CNGB3: variants seen among roughly 807,000 people sequenced by gnomAD.
CNGB3 encodes the protein cyclic nucleotide gated channel subunit beta 3, also known as cyclic nucleotide-gated channel beta-3.
CNGB3 carries 86 observed loss-of-function variants against 92.8 expected under a neutral mutation model. The ratio of observed to expected loss-of-function variants is 0.93; its 90% CI spans 0.78 to 1.11. CNGB3 has a LOEUF of 1.11. Ranked by LOEUF, CNGB3 falls within the 50% of genes least tolerant of loss-of-function variation. The probability of loss-of-function intolerance (pLI) is 0.00; values close to 1 mark genes in which losing one functional copy is unlikely to be tolerated. For missense variants in CNGB3, 1,026 were observed against 956.8 expected (o/e 1.07, Z -0.95); for synonymous variants, 333 against 332.7 (o/e 1.00, Z -0.01).
At chr8:86,709,331 C>T (rs1396488054) in intron 3 of CNGB3, among the ~76,000 whole-genome samples, 1 of 152,086 alleles carries the variant, frequency 6.6e-6, no homozygotes, top group African/African-American at 2.4e-5. Flanking sequence ...CAACTTGTCC[C>T]CTGGCTACGT....
intron 3 of CNGB3, among the ~76,000 whole-genome samples, chr8:86,720,147 G>A (rs181794165): frequency 6.6e-6 from 1 of 152,200 alleles, no homozygotes; most frequent in East Asian, 1.9e-4. Flanking sequence ...ATACATAGAT[G>A]GGATTTAATT....
chr8:86,628,941 T>C lies in CNGB3; in HGVS notation c.1458A>G (p.Thr486=), dbSNP rs1019064332. The C allele has an allele frequency of 1.2e-6, 2 of 1,613,916 alleles. No homozygotes were observed. The highest frequency in any genetic ancestry group is 1.7e-6 in the Non-Finnish European group (2 of 1,179,860). Residue 486 remains threonine (T), a synonymous_variant, in exon 12 of 18, where the codon ACA becomes ACG. Coordinates refer to ENST00000320005, the MANE Select transcript of CNGB3 (RefSeq NM_019098.5). ...TACCTAGCATTCTTTGAGAGTCCCA[T>C]GTATATTCATACCAAGTCCGAACTC... The part of the protein sequence containing the change: ...QKRVRTWYEY[T]WDSQRMLDES...
chr8:86,699,789 C>T (rs954210628), intron 3 of CNGB3, among the ~76,000 whole-genome samples: 1 of 152,160 alleles, frequency 6.6e-6, no homozygotes, highest in African/African-American at 2.4e-5. Flanking sequence ...TTGAAAAATG[C>T]TCATAATTTC....
At chr8:86,648,204 T>G (rs1468348324) in intron 7 of CNGB3, among the ~76,000 whole-genome samples, 1 of 151,200 alleles carries the variant, frequency 6.6e-6, no homozygotes, top group Non-Finnish European at 1.5e-5. Context: ...AAATACGTTT[T>G]AACAGTGTTT....
chr8:86,578,621 C>A (rs147040436), intron 17 of CNGB3, 68 bp downstream of exon 17: 3 of 1,432,312 alleles, frequency 2.1e-6, no homozygotes, highest in Non-Finnish European at 2.9e-6. Context: ...TTAGAGTGGG[C>A]GTTTGTGTGT....
Position 86,670,957 on chromosome 8 carries a change from G to C in CNGB3, c.480C>G (p.Ala160=). 1 of 1,612,428 alleles carries C rather than the reference G, an allele frequency of 6.2e-7. No individual in the cohort carries two copies. Among genetic ancestry groups the C allele is most frequent in the Non-Finnish European group, 8.5e-7 (1 of 1,180,004 alleles). Residue 160 remains alanine (A), a synonymous_variant, in exon 4 of 18, where the codon GCC becomes GCG. Coordinates refer to ENST00000320005, the MANE Select transcript of CNGB3 (RefSeq NM_019098.5). ...AGCAATGCTTACCAGTTTGTGGGCT[G>C]GCTTCGGGTGAGGAGAGATCTCCCT... ...LVEGDLSSPE[A]SPQTAKPTAV... is the part of the protein sequence containing the mutation.
intron 13 of CNGB3, among the ~76,000 whole-genome samples, chr8:86,616,659 G>A (rs1822628378): frequency 6.6e-6 from 1 of 152,136 alleles, no homozygotes; most frequent in Admixed American, 6.6e-5. Flanking sequence ...AACTGAGAAA[G>A]TATCAACATT....
At chr8:86,737,597 A>T (rs968216895) in intron 2 of CNGB3, among the ~76,000 whole-genome samples, 2 of 151,528 alleles carry the variant, frequency 1.3e-5, no homozygotes, top group Non-Finnish European at 3.0e-5. Flanking sequence ...AACGTAAAAA[A>T]CCTTTTAGGT....
At chr8:86,692,543 T>C (rs989223763) in intron 3 of CNGB3, among the ~76,000 whole-genome samples, 4 of 152,244 alleles carry the variant, frequency 2.6e-5, no homozygotes, top group African/African-American at 9.6e-5. Flanking sequence ...GAATAACAGC[T>C]ACTCCTGGTT....
At chr8:86,725,441 GTTAGA>G (rs1474322466) in intron 3 of CNGB3, among the ~76,000 whole-genome samples, 2 of 152,090 alleles carry the variant, frequency 1.3e-5, no homozygotes, top group African/African-American at 4.8e-5. Context: ...TTGTTCTCTT[GTTAGA>G]TTACAGTCCT....
intron 2 of CNGB3, among the ~76,000 whole-genome samples, chr8:86,738,279 A>G (rs1431264366): frequency 6.6e-6 from 1 of 152,156 alleles, no homozygotes; most frequent in African/African-American, 2.4e-5. Context: ...GTCTGGGAAT[A>G]GATCACATTA....
chr8:86,648,175 G>A (rs1427829740), intron 7 of CNGB3, among the ~76,000 whole-genome samples: 1 of 151,180 alleles, frequency 6.6e-6, no homozygotes, highest in African/African-American at 2.4e-5. Context: ...ATATACAATG[G>A]GCATAGTTGC....
intron 6 of CNGB3, among the ~76,000 whole-genome samples, chr8:86,662,116 C>A (rs1323069523): frequency 1.3e-5 from 2 of 152,244 alleles, no homozygotes; most frequent in African/African-American, 4.8e-5. Flanking sequence ...GGCGCCACTG[C>A]AGCTCTTTGT....
chr8:86,585,062 C>T (rs1228927760), intron 15 of CNGB3, among the ~76,000 whole-genome samples: 2 of 152,074 alleles, frequency 1.3e-5, no homozygotes, highest in African/African-American at 4.8e-5. Context: ...ATCTGATTAT[C>T]TTTAAGAAGA....
chr8:86,626,026 A>G lies in CNGB3; in HGVS notation c.1535T>C (p.Ile512Thr). 1.2e-6 allele frequency: 2 copies of G among 1,613,906 alleles called. No individual in the cohort carries two copies. The highest frequency in any genetic ancestry group is 1.7e-6 in the Non-Finnish European group (2 of 1,179,886). ...LPTTVQLALA[I>T]DVNFSIISKV... The stretch of plus-strand genomic sequence containing the variant: ...GCTGATGATGCTGAAGTTCACATCA[A>G]TGGCGAGGGCTAACTGGACCGTAGT... The change falls in exon 13 of 18, where the codon ATT becomes ACT. Residue 512 changes from isoleucine (I) to threonine (T), a missense_variant. Coordinates refer to ENST00000320005, the MANE Select transcript of CNGB3 (RefSeq NM_019098.5).
intron 3 of CNGB3, among the ~76,000 whole-genome samples, chr8:86,689,556 A>C (rs1267106764): frequency 7.3e-6 from 1 of 137,042 alleles, no homozygotes; most frequent in Non-Finnish European, 1.5e-5. Flanking sequence ...TTTTATTTTT[A>C]TTTTTATTTT....
chr8:86,586,291 C>T (rs1168030579), intron 15 of CNGB3, among the ~76,000 whole-genome samples: 2 of 151,728 alleles, frequency 1.3e-5, no homozygotes, highest in Non-Finnish European at 2.9e-5. Flanking sequence ...ATTATTACTA[C>T]TAAGAATATT....
intron 7 of CNGB3, among the ~76,000 whole-genome samples, chr8:86,651,017 A>G (rs929536824): frequency 2.6e-5 from 4 of 151,876 alleles, no homozygotes; most frequent in African/African-American, 9.7e-5. Context: ...AGCAACTTGG[A>G]TGGAGCTGGA....
intron 2 of CNGB3, among the ~76,000 whole-genome samples, chr8:86,731,645 TG>T (rs1207511891): frequency 6.6e-6 from 1 of 152,192 alleles, no homozygotes; most frequent in Non-Finnish European, 1.5e-5. Context: ...TGCTGGGTAC[TG>T]AACAGAGACC....
Sources: gnomAD v4.1 joint callset for allele counts (sites outside exome capture counted in the v4.1 genomes callset) on GRCh38, gnomAD v4.1.1 for gene constraint, MANE v1.5 for transcripts, NCBI Gene and HGNC (gene_info 2026-07-23, HGNC 2026-07-21) for gene names.